The following VPS13B variants were observed in gnomAD, a reference collection of about 807,000 sequenced individuals.
VPS13B encodes vacuolar protein sorting 13 homolog B, also known as intermembrane lipid transfer protein VPS13B.
Under a neutral mutation model 426.4 loss-of-function variants are expected in VPS13B, and 285 were observed. The ratio of observed to expected loss-of-function variants is 0.67; its 90% confidence interval spans 0.61 to 0.74. The LOEUF (loss-of-function observed/expected upper bound fraction) is 0.74. VPS13B is among the 30% of genes least tolerant of loss of function. The probability of loss-of-function intolerance (pLI) is 0.00; values close to 1 mark genes in which losing one functional copy is unlikely to be tolerated. For synonymous variants in VPS13B, 1,676 were observed against 1,676.4 expected (o/e 1.00, Z 0.01); for missense variants, 4,537 against 4,782.6 (o/e 0.95, Z 1.51).
intron 21 of VPS13B, among the ~76,000 whole-genome samples, chr8:99,403,303 C>CTT (rs1455935554): frequency 6.6e-6 from 1 of 152,096 alleles, no homozygotes; most frequent in Non-Finnish European, 1.5e-5. Flanking sequence ...AATTGAAGCA[C>CTT]TTTAAGAGGT....
chr8:99,213,753 G>A (rs1479898205), intron 17 of VPS13B, among the ~76,000 whole-genome samples: 1 of 151,246 alleles, frequency 6.6e-6, no homozygotes, highest in African/African-American at 2.4e-5. Flanking sequence ...TTAGCTTTAT[G>A]TATTGAAAGC....
chr8:99,304,158 T>C (rs1820518310), intron 19 of VPS13B, among the ~76,000 whole-genome samples: 1 of 152,170 alleles, frequency 6.6e-6, no homozygotes, highest in African/African-American at 2.4e-5. Flanking sequence ...CTCAGGGTTG[T>C]CATGAAGATT....
rs1176798036 is a variant in VPS13B, at chr8:99,697,669, G to A, written c.6047-1856G>A. The stretch of plus-strand genomic sequence containing the variant: ...CTGACAGAGGGTGCAGCAGATGATC[G>A]GGCAGATCGAGGGCTTGATCTCACA... On this transcript the variant is annotated intron_variant, in intron 35 of 61. Coordinates refer to ENST00000357162, the MANE Select transcript of VPS13B (RefSeq NM_152564.5). The A allele has an allele frequency of 9.3e-6, 6 of 648,094 alleles. No individual in the cohort carries two copies. The East Asian group carries it at 1.5e-4, about 16-fold the overall frequency. 40.1% of individuals were successfully genotyped at this position (648,094 alleles called of 1,614,324 possible).
Position 99,721,039 on chromosome 8 carries a change from G to GTGCT in VPS13B, c.7043_7046dup (p.Gln2350AlafsTer6), listed in dbSNP as rs1833108532. ...TATTAGCACAGCAGACCTTGGTGAT[G>GTGCT]TGCTACAGGTATGTAATGACCATTC... On this transcript the variant is annotated frameshift_variant, in exon 39 of 62. Transcript: ENST00000357162. LOFTEE classifies it high-confidence loss of function. 1 of 1,613,822 alleles carries GTGCT rather than the reference G, an allele frequency of 6.2e-7. No homozygotes were observed. Among genetic ancestry groups the GTGCT allele is most frequent in the African/African-American group, 1.3e-5 (1 of 74,904 alleles).
intron 19 of VPS13B, among the ~76,000 whole-genome samples, chr8:99,367,944 G>A (rs758217330): frequency 3.3e-5 from 5 of 152,226 alleles, no homozygotes; most frequent in African/African-American, 4.8e-5. Flanking sequence ...GTGAGCCACC[G>A]CACCTGACCA....
intron 17 of VPS13B, among the ~76,000 whole-genome samples, chr8:99,263,262 G>A (rs1276565230): frequency 6.6e-6 from 1 of 152,092 alleles, no homozygotes; most frequent in Non-Finnish European, 1.5e-5. Context: ...TTTTTCCATA[G>A]AGAAAGTCAG....
At chr8:99,650,416 C>T (rs1829761040) in intron 34 of VPS13B, among the ~76,000 whole-genome samples, 1 of 152,098 alleles carries the variant, frequency 6.6e-6, no homozygotes, top group Admixed American at 6.6e-5. Flanking sequence ...AACCTGCCTT[C>T]CCCAGCACAT....
chr8:99,517,908 T>C (rs1822174034), intron 29 of VPS13B, among the ~76,000 whole-genome samples: 1 of 152,064 alleles, frequency 6.6e-6, no homozygotes, highest in Admixed American at 6.5e-5. Flanking sequence ...CATGTATAAA[T>C]ACATATTTTT....
rs562207310 is a variant in VPS13B at position 99,361,213 on chromosome 8, A to G, written c.2825-22995A>G. Among the ~76,000 whole-genome samples the G allele has an allele frequency of 3.3e-5, 5 of 152,316 alleles. No homozygotes were observed. In the South Asian group the frequency reaches 1.0e-3, roughly 32 times the overall value. On this transcript the variant is annotated intron_variant, in intron 19 of 61. Coordinates refer to ENST00000357162, the MANE Select transcript of VPS13B (RefSeq NM_152564.5). ...ATCAGAATGATCTTATCAGAGTCTC[A>G]TTGGAAAATTCATTAGACACTCACC... is the stretch of plus-strand genomic sequence containing the variant.
chr8:99,628,064 A>G (rs1828690305), intron 33 of VPS13B, among the ~76,000 whole-genome samples: 1 of 152,232 alleles, frequency 6.6e-6, no homozygotes, highest in African/African-American at 2.4e-5. Flanking sequence ...TGATGCATTG[A>G]ATTTAGAATA....
intron 33 of VPS13B, among the ~76,000 whole-genome samples, chr8:99,628,400 AT>A (rs777881809): frequency 2.0e-5 from 3 of 152,078 alleles, no homozygotes; most frequent in Non-Finnish European, 4.4e-5. Context: ...GAAAAAAAAA[AT>A]CTCCCTAGCT....
chr8:99,797,865 T>C (rs2130750072), intron 43 of VPS13B, among the ~76,000 whole-genome samples: 1 of 152,328 alleles, frequency 6.6e-6, no homozygotes, highest in South Asian at 2.1e-4. Flanking sequence ...AAAGTAGATG[T>C]CATTACAAGT....
intron 12 of VPS13B, among the ~76,000 whole-genome samples, chr8:99,141,041 C>T (rs539886085): frequency 4.6e-5 from 7 of 151,856 alleles, no homozygotes; most frequent in Admixed American, 4.6e-4. Flanking sequence ...TAATGTACAA[C>T]AGGAAGATTT....
Position 99,111,097 on chromosome 8 carries a change from G to A in VPS13B, c.581-1G>A. ...CTTAAAATGTTTTTTTTTCTTTTTAGCAACTGATTTGGTGCTGAGAAAGGT... is the reference window on the plus strand; with the variant it reads ...CTTAAAATGTTTTTTTTTCTTTTTAACAACTGATTTGGTGCTGAGAAAGGT... On this transcript the variant is annotated splice_acceptor_variant, in intron 5 of 61. Transcript: ENST00000357162. LOFTEE classifies it high-confidence loss of function. 1.9e-6 allele frequency: 3 copies of A among 1,588,526 alleles called. No individual in the cohort carries two copies. Among genetic ancestry groups the A allele is most frequent in the Non-Finnish European group, 2.6e-6 (3 of 1,167,678 alleles).
chr8:99,661,593 G>T, intron 35 of VPS13B, 102 bp downstream of exon 35: 1 of 1,425,018 alleles, frequency 7.0e-7, no homozygotes, highest in Non-Finnish European at 9.6e-7. Flanking sequence ...TGCAAAAAAT[G>T]AATAGTTCAT....
At chr8:99,213,162 C>G (rs1815194220) in intron 17 of VPS13B, among the ~76,000 whole-genome samples, 2 of 152,202 alleles carry the variant, frequency 1.3e-5, no homozygotes, top group Admixed American at 6.5e-5. Flanking sequence ...GTTTTTTGTA[C>G]ACATCACTCT....
At chr8:99,448,207 A>T (rs990279302) in intron 23 of VPS13B, among the ~76,000 whole-genome samples, 1 of 151,234 alleles carries the variant, frequency 6.6e-6, no homozygotes, top group Non-Finnish European at 1.5e-5. Flanking sequence ...AACTTAAAAA[A>T]AATCACATAC....
At chr8:99,696,322 G>T in intron 35 of VPS13B, 1 of 246,242 alleles carries the variant, frequency 4.1e-6, no homozygotes, top group South Asian at 5.4e-5. Flanking sequence ...TAAGTCGCTC[G>T]GGCAGAGGGA....
Position 99,853,563 on chromosome 8 carries a change from G to C in VPS13B, c.10174G>C (p.Asp3392His), listed in dbSNP as rs752715309. 6.2e-7 allele frequency: 1 copy of C among 1,614,172 alleles called. No homozygotes were observed. The highest frequency in any genetic ancestry group is 1.7e-5 in the Admixed American group (1 of 60,024). Residue 3392 changes from aspartate to histidine, a missense_variant, in exon 56 of 62, where the codon GAC becomes CAC. Transcript: ENST00000357162. The part of the protein sequence containing the change: ...ASAELLRLTL[D>H]NIFLCVAPGA... ...AGCTGAGCTTCTGAGACTCACACTG[G>C]ACAACATTTTTCTCTGTGTGGCCCC...
Sources: allele counts gnomAD v4.1 joint callset (sites outside exome capture counted in the v4.1 genomes callset), GRCh38; gene constraint gnomAD v4.1.1; transcripts MANE v1.5; gene names NCBI Gene and HGNC (gene_info 2026-07-23, HGNC 2026-07-21).